Variants in COA1 observed in about 807,000 individuals in gnomAD.
COA1 encodes cytochrome c oxidase assembly factor 1.
COA1 carries 13 observed loss-of-function variants against 16.0 expected under a neutral mutation model. The observed-to-expected ratio is 0.81, with a 90% CI of 0.53 to 1.29. The LOEUF (loss-of-function observed/expected upper bound fraction) is 1.29, where lower values mean the gene tolerates loss of function less well. COA1 is among the 50% of genes most tolerant of loss of function. The probability of loss-of-function intolerance (pLI) is 0.00; values close to 1 mark genes in which losing one functional copy is unlikely to be tolerated. For synonymous variants in COA1, 65 were observed against 65.7 expected (o/e 0.99, Z 0.05); for missense variants, 179 against 177.0 (o/e 1.01, Z -0.06).
chr7:43,702,585 A>G (rs972817014), intron 1 of COA1, among the ~76,000 whole-genome samples: 1 of 151,802 alleles, frequency 6.6e-6, no homozygotes, highest in South Asian at 2.1e-4. Context: ...TTTGGGTTCA[A>G]TCTTGGGGGG....
chr7:43,724,092 TTGGAAAGGTAAACG>T (rs1437923108), intron 1 of COA1, among the ~76,000 whole-genome samples: 1 of 152,176 alleles, frequency 6.6e-6, no homozygotes, highest in Non-Finnish European at 1.5e-5. Context: ...AAATAGTCCT[TTGGAAAGGTAAACG>T]TGATAATCCA....
At chr7:43,724,157 C>T (rs2095564515) in intron 1 of COA1, among the ~76,000 whole-genome samples, 1 of 152,106 alleles carries the variant, frequency 6.6e-6, no homozygotes, top group Non-Finnish European at 1.5e-5. Flanking sequence ...ATCTTTTATG[C>T]AAATAACAAA....
intron 1 of COA1, among the ~76,000 whole-genome samples, chr7:43,717,028 T>C (rs1278592193): frequency 6.6e-6 from 1 of 152,044 alleles, no homozygotes; most frequent in East Asian, 1.9e-4. Context: ...TGTATGGAAA[T>C]GTATGGAAGC....
intron 1 of COA1, among the ~76,000 whole-genome samples, chr7:43,719,655 C>A (rs1315441090): frequency 6.6e-6 from 1 of 152,200 alleles, no homozygotes; most frequent in Non-Finnish European, 1.5e-5. Context: ...TAGATTCAGT[C>A]TGAGGAGTTG....
chr7:43,674,674 T>C (rs1202233942), intron 1 of COA1, among the ~76,000 whole-genome samples: 4 of 152,206 alleles, frequency 2.6e-5, no homozygotes, highest in Non-Finnish European at 5.9e-5. Context: ...AGGGTGTGAT[T>C]TGTGACAAAT....
intron 1 of COA1, among the ~76,000 whole-genome samples, chr7:43,668,633 T>C (rs971076155): frequency 2.0e-5 from 3 of 152,170 alleles, no homozygotes. Context: ...CAAGTGGCGA[T>C]CTCCTACAGC....
intron 1 of COA1, among the ~76,000 whole-genome samples, chr7:43,666,470 T>C (rs554565366): frequency 2.6e-5 from 4 of 152,326 alleles, no homozygotes; most frequent in Admixed American, 6.5e-5. Flanking sequence ...CTCAATCTTC[T>C]ATATGTTTGT....
chr7:43,725,650 G>A (rs572989344), intron 1 of COA1, among the ~76,000 whole-genome samples: 1 of 152,196 alleles, frequency 6.6e-6, no homozygotes, highest in East Asian at 1.9e-4. Context: ...CTGAGGTCAG[G>A]AGTTCCAGAC....
intron 1 of COA1, among the ~76,000 whole-genome samples, chr7:43,652,457 A>T (rs942321237): frequency 6.6e-6 from 1 of 152,202 alleles, no homozygotes; most frequent in Non-Finnish European, 1.5e-5. Flanking sequence ...ACTAGAAAAA[A>T]AGCCTTAAGA....
chr7:43,716,553 T>C (rs911224474), intron 1 of COA1, among the ~76,000 whole-genome samples: 18 of 152,164 alleles, frequency 1.2e-4, no homozygotes, highest in African/African-American at 4.1e-4. Context: ...GTTAAAAGCA[T>C]TCCATTTTAA....
rs760752023 is a variant in COA1, at chr7:43,640,577, GA to G, written c.336del (p.Gln113ArgfsTer10). ...GCCGTCACCTTCCCAGGATACCTCT[GA>G]AAGGGGCCACCTCTGGATGAGTGGA... ...LYVHSSRGGP[F>X]QRWHLDEVFL... On this transcript the variant is annotated frameshift_variant, in exon 5 of 6. Coordinates refer to ENST00000223336, the MANE Select transcript of COA1 (RefSeq NM_018224.4). LOFTEE classifies it low-confidence loss of function (END_TRUNC). 1.3e-5 allele frequency: 21 copies of G among 1,604,160 alleles called. No individual in the cohort carries two copies. The highest frequency in any genetic ancestry group is 1.8e-5 in the Non-Finnish European group (21 of 1,175,454).
downstream of COA1, among the ~76,000 whole-genome samples, chr7:43,634,266 A>G (rs1261427416): frequency 1.3e-5 from 2 of 152,042 alleles, no homozygotes; most frequent in Admixed American, 6.5e-5. Context: ...TTTCTGTTCT[A>G]TTCTGCCCAT....
intron 6 of COA1, among the ~76,000 whole-genome samples, chr7:43,624,241 A>G (rs900636400): frequency 1.3e-5 from 2 of 152,224 alleles, no homozygotes; most frequent in Admixed American, 1.3e-4. Flanking sequence ...AATGACAGCT[A>G]ATCTCTAGCA....
At chr7:43,720,115 C>T (rs953367162) in intron 1 of COA1, among the ~76,000 whole-genome samples, 3 of 151,868 alleles carry the variant, frequency 2.0e-5, no homozygotes, top group South Asian at 2.1e-4. Flanking sequence ...CCCATCTCTA[C>T]TAAAATCATA....
chr7:43,669,426 G>A (rs892743624), intron 1 of COA1, among the ~76,000 whole-genome samples: 18 of 151,942 alleles, frequency 1.2e-4, no homozygotes, highest in African/African-American at 3.4e-4. Flanking sequence ...TCTTCCCCTC[G>A]CCTCACAGGT....
chr7:43,652,380 T>C, intron 1 of COA1, among the ~76,000 whole-genome samples: 1 of 152,168 alleles, frequency 6.6e-6, no homozygotes, highest in East Asian at 1.9e-4. Flanking sequence ...ATGCAAGATG[T>C]TTGATATGCA....
In COA1 at chr7:43,628,568, C is replaced by A. The variant is rs191311800; in HGVS notation, c.*133+10881G>T. 5.6e-4 allele frequency among the ~76,000 whole-genome samples: 86 copies of A among 152,254 alleles called. 1 individual carries two copies. Among genetic ancestry groups the A allele is most frequent in the Non-Finnish European group, 1.0e-3 (70 of 68,018 alleles). ...CCATTGTGCTGTTTTGTGTTCCTGC[C>A]AGCACATTGTACTCTGGTTGTTTTT... On this transcript the variant is annotated intron_variant and NMD_transcript_variant, in intron 6 of 6. Coordinates refer to the COA1 transcript ENST00000415076.
intron 3 of COA1, chr7:43,647,268 G>A: frequency 3.9e-6 from 2 of 507,588 alleles, no homozygotes; most frequent in Non-Finnish European, 7.0e-6. Context: ...GCCCCTGTGT[G>A]TGCACTGGAC....
At chr7:43,643,196 A>G (rs1489282169) in intron 4 of COA1, among the ~76,000 whole-genome samples, 2 of 152,208 alleles carry the variant, frequency 1.3e-5, no homozygotes, top group African/African-American at 2.4e-5. Context: ...AAAGCTGGAC[A>G]GGACAAAGCT....
Sources: allele counts gnomAD v4.1 joint callset (sites outside exome capture counted in the v4.1 genomes callset), GRCh38; gene constraint gnomAD v4.1.1; transcripts MANE v1.5; gene names NCBI Gene and HGNC (gene_info 2026-07-23, HGNC 2026-07-21).